The following ZAN variants were observed in gnomAD, a reference collection of about 807,000 sequenced individuals.
ZAN encodes the protein zonadhesin.
Under a neutral mutation model 286.2 loss-of-function variants are expected in ZAN, and 260 were observed. That is an observed-to-expected ratio of 0.91 (90% CI 0.82 to 1.01). ZAN has a LOEUF of 1.01. Among genes scored for constraint, ZAN ranks in the 50% least tolerant of loss-of-function variants. ZAN has a pLI of 0.00. For missense variants in ZAN, 3,410 were observed against 3,639.2 expected (o/e 0.94, Z 1.62); for synonymous variants, 1,368 against 1,417.5 (o/e 0.97, Z 0.79).
intron 44 of ZAN, 147 bp downstream of exon 44, chr7:100,794,405 A>G (rs1812215280): frequency 1.5e-6 from 2 of 1,352,008 alleles, no homozygotes; most frequent in Admixed American, 5.2e-5. Flanking sequence ...ACAAAGGACA[A>G]AGATCTCCCG....
rs975636346 is a variant in ZAN, at chr7:100,766,507, C to G, written c.4471-18C>G. The G allele has an allele frequency of 1.9e-6, 3 of 1,544,050 alleles. No homozygotes were observed. Among genetic ancestry groups the G allele is most frequent in the Non-Finnish European group, 2.6e-6 (3 of 1,142,060 alleles). ...CAAAAAAAAACACTTTCTCTTCCTTCCCTGCTGTCTTCCCCAGGTAGGGGA... is the reference window on the plus strand; with the variant it reads ...CAAAAAAAAACACTTTCTCTTCCTTGCCTGCTGTCTTCCCCAGGTAGGGGA... On this transcript the variant is annotated intron_variant, in intron 23 of 47. Transcript: ENST00000613979.
chr7:100,789,740 T>C, intron 39 of ZAN, among the ~76,000 whole-genome samples: 1 of 149,970 alleles, frequency 6.7e-6, no homozygotes, highest in African/African-American at 2.5e-5. Flanking sequence ...AGGTCAGGAG[T>C]TCAAGACCAG....
intron 34 of ZAN, among the ~76,000 whole-genome samples, chr7:100,779,230 G>A (rs1385286940): frequency 1.3e-5 from 2 of 151,492 alleles, no homozygotes; most frequent in East Asian, 1.9e-4. Flanking sequence ...TTGGTCGGGC[G>A]TGGTGGTGGG....
At chr7:100,762,414 A>AAT in intron 20 of ZAN, 56 bp downstream of exon 20, 98 of 1,341,222 alleles carry the variant, frequency 7.3e-5, no homozygotes, top group Middle Eastern at 2.2e-4. Context: ...CCTTCCTGGA[A>AAT]CTCTCTTTTT....
chr7:100,755,435 C>G, intron 15 of ZAN, 25 bp downstream of exon 15: 1 of 1,604,918 alleles, frequency 6.2e-7, no homozygotes, highest in South Asian at 1.1e-5. Flanking sequence ...ATGCTGGGGT[C>G]CCATGAGGGA....
In ZAN at chr7:100,775,655, G is replaced by A; in HGVS notation, c.6028-14G>A. The A allele has an allele frequency of 6.2e-7, 1 of 1,613,652 alleles. No individual in the cohort carries two copies. Among genetic ancestry groups the A allele is most frequent in the Non-Finnish European group, 8.5e-7 (1 of 1,179,688 alleles). On this transcript the variant is annotated splice_polypyrimidine_tract_variant and intron_variant, in intron 32 of 47. Transcript: ENST00000613979. ...GTCCCTGCTCCTACTCACCGTCACT[G>A]TCCTCCTGTTTAGATCAACAGCAAA...
chr7:100,748,435 A>G lies in ZAN; in HGVS notation c.1214A>G (p.His405Arg), dbSNP rs377329676. 6.2e-7 allele frequency: 1 copy of G among 1,613,782 alleles called. No individual in the cohort carries two copies. Among genetic ancestry groups the G allele is most frequent in the South Asian group, 1.1e-5 (1 of 91,028 alleles). The change falls in exon 11 of 48, where the codon CAT becomes CGT. Residue 405 changes from histidine (H) to arginine (R), a missense_variant. His to Arg is a conservative substitution (Grantham distance 29). Coordinates refer to ENST00000613979, the MANE Select transcript of ZAN (RefSeq NM_003386.3). ...CTCGGACATAAAAATGGACCCGTCC[A>G]TGGCATGGGCCCTGCGGGAGGTTTC... ...WALGHKNGPV[H>R]GMGPAGGFPN...
intron 42 of ZAN, 42 bp from the exon 43 acceptor site, chr7:100,793,774 GGCCT>G: frequency 6.5e-7 from 1 of 1,534,766 alleles, no homozygotes; most frequent in East Asian, 2.3e-5. Flanking sequence ...GCCCCTGTTT[GGCCT>G]GCCCAGCCCC....
intron 23 of ZAN, 94 bp downstream of exon 23, chr7:100,765,648 T>C: frequency 7.0e-7 from 1 of 1,425,170 alleles, no homozygotes; most frequent in Non-Finnish European, 9.4e-7. Context: ...TCTTTTCGTT[T>C]CTTGTTTTGT....
chr7:100,745,414 T>C (rs1808133211), intron 7 of ZAN, among the ~76,000 whole-genome samples: 1 of 151,706 alleles, frequency 6.6e-6, no homozygotes, highest in Admixed American at 6.6e-5. Flanking sequence ...TGGCAGCCGC[T>C]TACATTTTCT....
At chr7:100,740,358 G>C (rs1807653326) in intron 7 of ZAN, among the ~76,000 whole-genome samples, 2 of 105,438 alleles carry the variant, frequency 1.9e-5, no homozygotes, top group South Asian at 5.9e-4. Flanking sequence ...AGGGGGATTT[G>C]GCAGGGTCAT....
intron 38 of ZAN, among the ~76,000 whole-genome samples, chr7:100,788,822 C>T (rs1004331231): frequency 6.6e-6 from 1 of 152,110 alleles, no homozygotes; most frequent in Non-Finnish European, 1.5e-5. Flanking sequence ...CCTCAACCTC[C>T]CTAGTAGCTG....
intron 25 of ZAN, 85 bp downstream of exon 25, chr7:100,767,342 C>A (rs1267733106): frequency 1.2e-5 from 18 of 1,535,018 alleles, no homozygotes; most frequent in Non-Finnish European, 1.6e-5. Flanking sequence ...CGGATGCCCA[C>A]CTCTCTGGCT....
rs1186763022 is a variant in ZAN, at chr7:100,767,246, T to G, written c.4849T>G (p.Cys1617Gly). 2 of 1,609,582 alleles carry G rather than the reference T, an allele frequency of 1.2e-6. No homozygotes were observed. The highest frequency in any genetic ancestry group is 2.2e-5 in the East Asian group (1 of 44,838). The change falls in exon 25 of 48, where the codon TGT (cysteine) becomes GGT (glycine). Residue 1617 changes from cysteine to glycine, a missense_variant. Physicochemically the swap from Cys to Gly is radical, Grantham distance 159. Transcript: ENST00000613979. ...CCTCAGCATCTCACTGCTCAGAGGC[T>G]GTAAGGTCATGGTGGGTGTCTTCCT... is the stretch of plus-strand genomic sequence containing the variant. ...FDLSISLLRGCKVMLNGHRVA... is the reference protein window; with the variant it reads ...FDLSISLLRGGKVMLNGHRVA...
intron 31 of ZAN, among the ~76,000 whole-genome samples, chr7:100,774,464 A>G (rs532854161): frequency 3.9e-5 from 6 of 152,254 alleles, no homozygotes; most frequent in Admixed American, 1.3e-4. Flanking sequence ...TGAGGCTAGT[A>G]GTTCAAGACC....
At chr7:100,770,461 G>A (rs767557821) in intron 28 of ZAN, among the ~76,000 whole-genome samples, 7 of 135,088 alleles carry the variant, frequency 5.2e-5, no homozygotes, top group Non-Finnish European at 7.7e-5. Context: ...CCGAGATTTC[G>A]CCACTGCACT....
At chr7:100,779,986 G>C (rs1258017463) in intron 35 of ZAN, among the ~76,000 whole-genome samples, 6 of 152,300 alleles carry the variant, frequency 3.9e-5, no homozygotes, top group African/African-American at 1.2e-4. Flanking sequence ...CCTGAGGTCA[G>C]GAGTTCGAGA....
At position 100,763,861 on chromosome 7, in the gene ZAN, A is replaced by G. The variant is rs753289222; in HGVS notation, c.4042A>G (p.Ser1348Gly). 10 of 1,614,048 alleles carry G rather than the reference A, an allele frequency of 6.2e-6. No homozygotes were observed. In the Admixed American group the frequency reaches 1.7e-4, roughly 27 times the overall value. The change falls in exon 21 of 48, where the codon AGC becomes GGC. Residue 1348 changes from serine to glycine, a missense_variant. This residue lies in a region of ZAN where 1,042 missense variants were observed against 1,058.0 expected (regional missense o/e 0.98). Transcript: ENST00000613979. The surrounding 1 kb of genome is among the most constrained non-coding windows in gnomAD (Gnocchi z 4.6). ...GTCTTGTGATTCATCTCTGCAGAGC[A>G]GCATGTCGGGGCCAGGGTTCTGTGG... is the stretch of plus-strand genomic sequence containing the variant. ...SPSCDSSLQSSMSGPGFCGRL... is the reference protein window; with the variant it reads ...SPSCDSSLQSGMSGPGFCGRL...
chr7:100,786,142 G>A lies in ZAN; in HGVS notation c.6979+1G>A. The A allele has an allele frequency of 6.2e-7, 1 of 1,613,656 alleles. No homozygotes were observed. The highest frequency in any genetic ancestry group is 8.5e-7 in the Non-Finnish European group (1 of 1,179,766). ...AGCAACAGCAATTGTGTCTCAGACAGTAAGGGGAGCGACCGGGGAGGTTGG... is the reference window on the plus strand; with the variant it reads ...AGCAACAGCAATTGTGTCTCAGACAATAAGGGGAGCGACCGGGGAGGTTGG... On this transcript the variant is annotated splice_donor_variant, in intron 37 of 47. Coordinates refer to ENST00000613979, the MANE Select transcript of ZAN (RefSeq NM_003386.3). LOFTEE classifies it high-confidence loss of function.
Sources: allele counts gnomAD v4.1 joint callset (sites outside exome capture counted in the v4.1 genomes callset), GRCh38; gene constraint gnomAD v4.1.1; regional missense constraint gnomAD v4.1.1; non-coding constraint Gnocchi (gnomAD v3.1); transcripts MANE v1.5; gene names NCBI Gene and HGNC (gene_info 2026-07-23, HGNC 2026-07-21).